The following MAPK10 variants were observed in gnomAD, a reference collection of about 807,000 sequenced individuals.
MAPK10 encodes the protein JNK3 alpha protein kinase.
Under a neutral mutation model 59.3 loss-of-function variants are expected in MAPK10, and 25 were observed. The ratio of observed to expected loss-of-function variants is 0.42; its 90% CI spans 0.31 to 0.59. MAPK10 has a LOEUF of 0.59. Among genes scored for constraint, MAPK10 ranks in the 20% least tolerant of loss-of-function variants. The probability of loss-of-function intolerance (pLI) is 0.15; values close to 1 mark genes in which losing one functional copy is unlikely to be tolerated. For synonymous variants in MAPK10, 190 were observed against 200.5 expected (o/e 0.95, Z 0.44); for missense variants, 351 against 568.9 (o/e 0.62, Z 3.90).
chr4:86,530,422 A>G (rs1462109182), intron 1 of MAPK10, among the ~76,000 whole-genome samples: 1 of 152,214 alleles, frequency 6.6e-6, no homozygotes, highest in Non-Finnish European at 1.5e-5. Context: ...GCAATTACCC[A>G]TGTCACCAAT....
chr4:86,482,061 T>G (rs1057460917), intron 1 of MAPK10, among the ~76,000 whole-genome samples: 2 of 152,222 alleles, frequency 1.3e-5, no homozygotes, highest in Admixed American at 1.3e-4. Flanking sequence ...GATTTTATAA[T>G]ACAATGAAGT....
intron 1 of MAPK10, among the ~76,000 whole-genome samples, chr4:86,415,546 T>C (rs1033885401): frequency 1.3e-5 from 2 of 152,234 alleles, no homozygotes; most frequent in Non-Finnish European, 2.9e-5. Flanking sequence ...GCAGGCATTT[T>C]ACTTGGGTTA....
chr4:86,554,273 T>C (rs1224226683), intron 1 of MAPK10, among the ~76,000 whole-genome samples: 1 of 152,184 alleles, frequency 6.6e-6, no homozygotes, highest in African/African-American at 2.4e-5. Flanking sequence ...TATTATTTCA[T>C]TCATATTCTA....
At chr4:86,028,695 A>G (rs1004336872) in intron 13 of MAPK10, 3 of 176,354 alleles carry the variant, frequency 1.7e-5, no homozygotes, top group African/African-American at 7.2e-5. Context: ...TATATGCACA[A>G]TTGTGTATTA....
intron 1 of MAPK10, among the ~76,000 whole-genome samples, chr4:86,419,290 T>C (rs1254502612): frequency 6.6e-6 from 1 of 152,236 alleles, no homozygotes; most frequent in Admixed American, 6.5e-5. Flanking sequence ...TTTGCTTTCC[T>C]TCTTCTTTTG....
chr4:86,441,273 A>AT (rs960530466), intron 1 of MAPK10, among the ~76,000 whole-genome samples: 2 of 152,142 alleles, frequency 1.3e-5, no homozygotes, highest in Admixed American at 6.6e-5. Context: ...GTCATAGAGA[A>AT]TTTTTTACCT....
intron 2 of MAPK10, among the ~76,000 whole-genome samples, chr4:86,325,734 A>G (rs781556314): frequency 6.6e-5 from 10 of 152,246 alleles, no homozygotes; most frequent in Non-Finnish European, 1.3e-4. Flanking sequence ...TCATGTCACC[A>G]TAATTATTTC....
intron 5 of MAPK10, among the ~76,000 whole-genome samples, chr4:86,104,016 T>C (rs906252850): frequency 2.0e-5 from 3 of 151,974 alleles, no homozygotes; most frequent in African/African-American, 2.4e-5. Flanking sequence ...TAAAAATATA[T>C]AAAAATCTTA....
chr4:86,517,604 G>C (rs191009606), intron 1 of MAPK10, among the ~76,000 whole-genome samples: 1 of 151,902 alleles, frequency 6.6e-6, no homozygotes, highest in Non-Finnish European at 1.5e-5. Context: ...TGTTGGATTC[G>C]GTTAGCTAGT....
At chr4:86,278,249 T>C (rs950828483) in intron 2 of MAPK10, among the ~76,000 whole-genome samples, 7 of 152,148 alleles carry the variant, frequency 4.6e-5, no homozygotes, top group Non-Finnish European at 2.9e-5. Context: ...AGAAATGGCC[T>C]GGATACCCAT....
At chr4:86,463,184 C>A (rs1305093793) in intron 1 of MAPK10, among the ~76,000 whole-genome samples, 1 of 152,190 alleles carries the variant, frequency 6.6e-6, no homozygotes, top group African/African-American at 2.4e-5. Context: ...CCTATGGGGA[C>A]ATTACAGCCA....
intron 1 of MAPK10, among the ~76,000 whole-genome samples, chr4:86,404,968 G>C (rs1193251228): frequency 1.3e-5 from 2 of 152,168 alleles, no homozygotes; most frequent in Admixed American, 6.6e-5. Context: ...CTACTTCACA[G>C]AATGATTTAC....
intron 3 of MAPK10, among the ~76,000 whole-genome samples, chr4:86,184,508 T>C (rs28722990): frequency 0.13 from 19,738 of 152,168 alleles, 1,299 homozygotes; most frequent in Middle Eastern, 0.14. Flanking sequence ...AGCCTACTGA[T>C]ATGGTTTGGA....
intron 2 of MAPK10, among the ~76,000 whole-genome samples, chr4:86,205,390 C>A (rs1227147243): frequency 1.3e-5 from 2 of 151,832 alleles, no homozygotes; most frequent in African/African-American, 4.8e-5. Context: ...AATTCACGAT[C>A]ACAGTGAGAG....
Position 86,590,037 on chromosome 4 carries a change from T to C in MAPK10, c.-263+3873A>G, listed in dbSNP as rs928270291. The stretch of plus-strand genomic sequence containing the variant: ...GACTTGGAAATAACGTATATGCTCA[T>C]TGAAAAGTGAGGAGTTAAATAAATT... On this transcript the variant is annotated intron_variant, in intron 1 of 4. Transcript: ENST00000502302. Among the ~76,000 whole-genome samples, 4 of 150,634 alleles carry C rather than the reference T, an allele frequency of 2.7e-5. No homozygotes were observed. In the East Asian group the frequency reaches 7.8e-4, roughly 29 times the overall value.
intron 1 of MAPK10, among the ~76,000 whole-genome samples, chr4:86,576,501 G>A (rs796946004): frequency 3.2e-4 from 48 of 152,276 alleles, no homozygotes; most frequent in African/African-American, 1.0e-3. Flanking sequence ...TAGGCCGGGC[G>A]CGGTGGCTCA....
In MAPK10 at chr4:86,013,456, A is replaced by T. The variant is rs772544698; in HGVS notation, c.*3772T>A. 5.9e-5 allele frequency: 9 copies of T among 152,222 alleles called. No individual in the cohort carries two copies. The highest frequency in any genetic ancestry group is 1.2e-4 in the Non-Finnish European group (8 of 68,046). The allele number at this position is 152,222 out of a possible 1,614,324, so 9.4% of individuals were successfully genotyped here. On this transcript the variant is annotated 3_prime_UTR_variant, in exon 14 of 14. Transcript: ENST00000641462. Reference sequence around the variant, plus strand: ...TGTAGAAGAATACATTTTTCAGCAAAGCTGGCTAATAACATGCCTTACAGA... The same window carrying T: ...TGTAGAAGAATACATTTTTCAGCAATGCTGGCTAATAACATGCCTTACAGA...
chr4:86,191,047 C>T (rs1418715686), intron 3 of MAPK10, among the ~76,000 whole-genome samples: 1 of 152,014 alleles, frequency 6.6e-6, no homozygotes, highest in Admixed American at 6.6e-5. Flanking sequence ...CTATGTAGTT[C>T]TGTGGTTTTG....
At chr4:86,233,713 C>T (rs1384941771) in intron 2 of MAPK10, among the ~76,000 whole-genome samples, 1 of 152,222 alleles carries the variant, frequency 6.6e-6, no homozygotes, top group East Asian at 1.9e-4. Context: ...AGGTGTTTCT[C>T]ACTCATTTGA....
Sources: gnomAD v4.1 joint callset for allele counts (sites outside exome capture counted in the v4.1 genomes callset) on GRCh38, gnomAD v4.1.1 for gene constraint, MANE v1.5 for transcripts, NCBI Gene and HGNC (gene_info 2026-07-23, HGNC 2026-07-21) for gene names.